TP53BP1: variants seen among roughly 807,000 people sequenced by gnomAD.
TP53BP1 encodes tumor protein p53 binding protein 1.
TP53BP1 carries 61 observed loss-of-function variants against 200.8 expected under a neutral mutation model. That is an observed-to-expected ratio of 0.30 (90% CI 0.25 to 0.38). TP53BP1 has a LOEUF of 0.38. Ranked by LOEUF, TP53BP1 falls within the 10% of genes least tolerant of loss-of-function variation. TP53BP1 has a pLI of 1.00. For synonymous variants in TP53BP1, 822 were observed against 844.3 expected (o/e 0.97, Z 0.46); for missense variants, 2,144 against 2,371.9 (o/e 0.90, Z 2.00).
intron 16 of TP53BP1, among the ~76,000 whole-genome samples, chr15:43,436,997 A>G (rs962887611): frequency 2.1e-5 from 3 of 143,940 alleles, no homozygotes; most frequent in East Asian, 2.0e-4. Context: ...AAAAAAGTTG[A>G]AAAAAAAAAA....
chr15:43,430,565 T>C (rs2045645637), intron 17 of TP53BP1, among the ~76,000 whole-genome samples: 1 of 152,184 alleles, frequency 6.6e-6, no homozygotes, highest in African/African-American at 2.4e-5. Context: ...ATATCAATAA[T>C]GAAGATTTCC....
At chr15:43,415,257 G>T in intron 23 of TP53BP1, 1 of 298,026 alleles carries the variant, frequency 3.4e-6, no homozygotes, top group Non-Finnish European at 6.4e-6. Context: ...GCCCAGGCTG[G>T]AGTGCAATGG....
At chr15:43,455,322 A>C (rs1017545241) in intron 12 of TP53BP1, among the ~76,000 whole-genome samples, 3 of 152,294 alleles carry the variant, frequency 2.0e-5, no homozygotes, top group Admixed American at 1.3e-4. Flanking sequence ...TAAAAAAAAA[A>C]CAGATTGGTA....
In TP53BP1 at chr15:43,409,941, T is replaced by G. The variant is rs1007834622; in HGVS notation, c.5306-200A>C. On this transcript the variant is annotated intron_variant, in intron 24 of 27. Transcript: ENST00000382044. Reference sequence around the variant, plus strand: ...ATGCTGCCAAAAGAAGGGACAAGAGTAGGAGGGAATGGGAAGATGAGGACT... The same window carrying G: ...ATGCTGCCAAAAGAAGGGACAAGAGGAGGAGGGAATGGGAAGATGAGGACT... 4.0e-5 allele frequency among the ~76,000 whole-genome samples: 6 copies of G among 151,482 alleles called. No individual in the cohort carries two copies. In the East Asian group the frequency reaches 1.2e-3, roughly 29 times the overall value.
intron 10 of TP53BP1, among the ~76,000 whole-genome samples, chr15:43,471,741 TTAATA>T (rs2046730973): frequency 6.6e-6 from 1 of 152,114 alleles, no homozygotes; most frequent in Non-Finnish European, 1.5e-5. Flanking sequence ...GAAAGTATAT[TTAATA>T]TAATTATTTT....
chr15:43,421,706 A>C, intron 19 of TP53BP1, 149 bp downstream of exon 19: 3 of 1,170,106 alleles, frequency 2.6e-6, no homozygotes, highest in South Asian at 3.2e-5. Flanking sequence ...AACCCAAAAC[A>C]GGAAGAGAGC....
At chr15:43,484,617 A>G (rs916207052) in intron 4 of TP53BP1, among the ~76,000 whole-genome samples, 1 of 152,142 alleles carries the variant, frequency 6.6e-6, no homozygotes, top group African/African-American at 2.4e-5. Flanking sequence ...TAGTCACTCC[A>G]CTACAGCCAC....
intron 4 of TP53BP1, among the ~76,000 whole-genome samples, chr15:43,481,960 G>T (rs1255679687): frequency 1.3e-5 from 2 of 151,958 alleles, no homozygotes; most frequent in African/African-American, 4.8e-5. Flanking sequence ...AGGCACGGTG[G>T]CTCACGCCTG....
At chr15:43,506,839 G>A (rs1481040199) in intron 1 of TP53BP1, among the ~76,000 whole-genome samples, 1 of 152,132 alleles carries the variant, frequency 6.6e-6, no homozygotes, top group Non-Finnish European at 1.5e-5. Context: ...CTTCACTTCA[G>A]CCTCTGATTG....
At chr15:43,494,397 A>T (rs35958032), upstream of TP53BP1, among the ~76,000 whole-genome samples, 21,840 of 152,130 alleles carry the variant, frequency 0.14, 1,847 homozygotes, top group Middle Eastern at 0.27. Context: ...ACCAAATTCA[A>T]AGCATGTTGT....
intron 17 of TP53BP1, among the ~76,000 whole-genome samples, chr15:43,428,560 AAAGG>A (rs2045602245): frequency 6.6e-6 from 1 of 152,208 alleles, no homozygotes; most frequent in Non-Finnish European, 1.5e-5. Flanking sequence ...TCTTTAGATA[AAAGG>A]AAGGCACTCT....
chr15:43,465,937 G>C (rs1345093439), intron 11 of TP53BP1, among the ~76,000 whole-genome samples: 1 of 152,176 alleles, frequency 6.6e-6, no homozygotes, highest in Non-Finnish European at 1.5e-5. Context: ...TTACAGGCAT[G>C]AGCCACCATG....
chr15:43,490,419 T>C (rs2079105563), intron 4 of TP53BP1, among the ~76,000 whole-genome samples: 1 of 151,712 alleles, frequency 6.6e-6, no homozygotes, highest in South Asian at 2.1e-4. Context: ...AGACAGGGTC[T>C]CACTAGGTTG....
chr15:43,481,499 T>G (rs1024015437), intron 4 of TP53BP1, among the ~76,000 whole-genome samples: 13 of 148,148 alleles, frequency 8.8e-5, no homozygotes, highest in African/African-American at 3.3e-4. Flanking sequence ...ACACTTTTTA[T>G]TTTTTACTTA....
intron 23 of TP53BP1, chr15:43,415,202 CTTTTTT>C: frequency 5.3e-6 from 1 of 187,350 alleles, no homozygotes; most frequent in South Asian, 7.3e-5. Context: ...TCCTGGCCTT[CTTTTTT>C]TTTTTTTTTT....
chr15:43,479,845 A>G lies in TP53BP1; in HGVS notation c.658+14T>C, dbSNP rs2078937138. On this transcript the variant is annotated intron_variant, in intron 6 of 27. Coordinates refer to ENST00000382044, the MANE Select transcript of TP53BP1 (RefSeq NM_001141980.3). ...AACACAACAACTCCAAATGCCAGAAAACATGTTTCATACCAGTATTAGCAT... is the reference window on the plus strand; with the variant it reads ...AACACAACAACTCCAAATGCCAGAAGACATGTTTCATACCAGTATTAGCAT... 1 of 1,613,030 alleles carries G rather than the reference A, an allele frequency of 6.2e-7. No homozygotes were observed. The highest frequency in any genetic ancestry group is 1.3e-5 in the African/African-American group (1 of 74,928).
upstream of TP53BP1, chr15:43,497,408 C>G: frequency 1.0e-6 from 1 of 985,382 alleles, no homozygotes; most frequent in Non-Finnish European, 1.2e-6. Context: ...ACCTCATTAT[C>G]TTTGACGTCT....
chr15:43,403,813 G>T lies in TP53BP1; in HGVS notation c.*3570C>A. The T allele has an allele frequency of 6.3e-7, 1 of 1,590,728 alleles. No homozygotes were observed. Among genetic ancestry groups the T allele is most frequent in the Middle Eastern group, 1.7e-4 (1 of 6,010 alleles). On this transcript the variant is annotated 3_prime_UTR_variant, in exon 28 of 28. Transcript: ENST00000382044. ...ATTCTCGTGAAGGTGCGTCTGCCTG[G>T]AAGTATGCAGCCTTGCCGAAAGGAC...
rs145039075 is a variant in TP53BP1 at position 43,443,797 on chromosome 15, T to C, written c.3041-2214A>G. Reference sequence around the variant, plus strand: ...AAAATCCCATATTCTCACAACAATGTCACTAATTTCAAGGGATTAAAATTT... The same window carrying C: ...AAAATCCCATATTCTCACAACAATGCCACTAATTTCAAGGGATTAAAATTT... On this transcript the variant is annotated intron_variant, in intron 14 of 27. Transcript: ENST00000382044. Among the ~76,000 whole-genome samples, 298 of 152,368 alleles carry C rather than the reference T, an allele frequency of 2.0e-3. 2 individuals carry two copies. Among genetic ancestry groups the C allele is most frequent in the African/African-American group, 6.7e-3 (278 of 41,582 alleles).
Sources: gnomAD v4.1 joint callset for allele counts (sites outside exome capture counted in the v4.1 genomes callset) on GRCh38, gnomAD v4.1.1 for gene constraint, MANE v1.5 for transcripts, NCBI Gene and HGNC (gene_info 2026-07-23, HGNC 2026-07-21) for gene names.